Variants in SDR42E1 observed in about 807,000 individuals in gnomAD.
SDR42E1 encodes the protein short-chain dehydrogenase/reductase family 42E member 1.
A neutral mutation model predicts 2.6 loss-of-function variants in SDR42E1; 5 were observed. The observed-to-expected ratio is 1.94, with a 90% CI of 1.01 to 4.08. The LOEUF (loss-of-function observed/expected upper bound fraction) is 4.08. Ranked by LOEUF, SDR42E1 falls within the 30% of genes most tolerant of loss-of-function variation. The pLI is 0.00. For missense variants in SDR42E1, 596 were observed against 478.6 expected (o/e 1.25, Z -2.29); for synonymous variants, 231 against 188.3 (o/e 1.23, Z -1.86).
rs1912599669 is a variant in SDR42E1 at position 81,998,345 on chromosome 16, C to T, written c.*766G>A. 1 of 152,176 alleles carries T rather than the reference C, an allele frequency of 6.6e-6. No individual in the cohort carries two copies. The allele number at this position is 152,176 out of a possible 1,614,324, so 9.4% of individuals were successfully genotyped here. A position where few individuals can be genotyped will look rare whatever the true frequency, so the allele number is the denominator to read the frequency against. ...ACTTGTTGCAGGCTCTGAGGGCACA[C>T]CCAAAGACATTGCAGAAAGTCCAGT... On this transcript the variant is annotated 3_prime_UTR_variant, in exon 3 of 3. Coordinates refer to ENST00000328945, the MANE Select transcript of SDR42E1 (RefSeq NM_145168.3).
rs1256291583 is a variant in SDR42E1 at position 81,992,448 on chromosome 16, C to G, written c.*6663G>C. 6.6e-6 allele frequency: 1 copy of G among 152,106 alleles called. No individual in the cohort carries two copies. Among genetic ancestry groups the G allele is most frequent in the African/African-American group, 2.4e-5 (1 of 41,416 alleles). The allele number at this position is 152,106 out of a possible 1,614,324, so 9.4% of individuals were successfully genotyped here. On this transcript the variant is annotated 3_prime_UTR_variant, in exon 3 of 3. Transcript: ENST00000328945. ...TATTATTATCTATTCAGGACACTAA[C>G]TCCTAGTGACTGTTAAGAGCAAAAG...
chr16:81,999,902 G>T lies in SDR42E1; in HGVS notation c.391C>A (p.Gln131Lys). The T allele has an allele frequency of 6.2e-7, 1 of 1,614,168 alleles. No individual in the cohort carries two copies. The highest frequency in any genetic ancestry group is 1.3e-5 in the African/African-American group (1 of 75,034). ...TSTFNVIFGG[Q>K]VIRNGDESLP... Reference sequence around the variant, plus strand: ...GATTCATCCCCATTTCTGATAACTTGACCTCCAAAGATGACATTGAAAGTG... The same window carrying T: ...GATTCATCCCCATTTCTGATAACTTTACCTCCAAAGATGACATTGAAAGTG... Residue 131 changes from glutamine (Q) to lysine (K), a missense_variant, in exon 3 of 3, where the codon CAA (glutamine) becomes AAA (lysine). Physicochemically the swap from Gln to Lys is moderately conservative, Grantham distance 53. Coordinates refer to ENST00000328945, the MANE Select transcript of SDR42E1 (RefSeq NM_145168.3).
intron 1 of SDR42E1, among the ~76,000 whole-genome samples, chr16:82,001,091 C>G (rs930660964): frequency 2.6e-5 from 4 of 152,182 alleles, no homozygotes; most frequent in African/African-American, 9.7e-5. Flanking sequence ...GACAGTAATA[C>G]CTGCTCTGCC....
chr16:81,990,211 G>A lies in SDR42E1; in HGVS notation c.*8900C>T, dbSNP rs1410317636. On this transcript the variant is annotated 3_prime_UTR_variant, in exon 3 of 3. Coordinates refer to ENST00000328945, the MANE Select transcript of SDR42E1 (RefSeq NM_145168.3). Reference sequence around the variant, plus strand: ...ACCTGTGGTTCTAGCTACTTAGGAGGATCACCTGAGCCCAGGAGGGCACTG... The same window carrying A: ...ACCTGTGGTTCTAGCTACTTAGGAGAATCACCTGAGCCCAGGAGGGCACTG... The A allele has an allele frequency of 6.6e-6, 1 of 152,238 alleles. No homozygotes were observed. The highest frequency in any genetic ancestry group is 1.5e-5 in the Non-Finnish European group (1 of 68,108). The allele number at this position is 152,238 out of a possible 1,614,324, so 9.4% of individuals were successfully genotyped here. A position where few individuals can be genotyped will look rare whatever the true frequency, so the allele number is the denominator to read the frequency against.
intron 1 of SDR42E1, among the ~76,000 whole-genome samples, chr16:82,004,770 G>C (rs1912881517): frequency 6.6e-6 from 1 of 152,224 alleles, no homozygotes; most frequent in South Asian, 2.1e-4. Flanking sequence ...CCCTGGAGGA[G>C]GAAATGGGCC....
At chr16:82,009,780 G>A (rs1302259698) in intron 1 of SDR42E1, among the ~76,000 whole-genome samples, 1 of 152,210 alleles carries the variant, frequency 6.6e-6, no homozygotes, top group Non-Finnish European at 1.5e-5. Flanking sequence ...GTTTTGAAAT[G>A]TGAGGGCATG....
chr16:82,005,435 C>T (rs1010825388), intron 1 of SDR42E1, among the ~76,000 whole-genome samples: 4 of 152,214 alleles, frequency 2.6e-5, no homozygotes, highest in African/African-American at 9.7e-5. Context: ...AGGATGGTAG[C>T]CATCTGCTGC....
In SDR42E1 at chr16:81,997,673, A is replaced by C. The variant is rs1413414100; in HGVS notation, c.*1438T>G. The C allele has an allele frequency of 1.3e-5, 2 of 152,234 alleles. No individual in the cohort carries two copies. Among genetic ancestry groups the C allele is most frequent in the African/African-American group, 2.4e-5 (1 of 41,452 alleles). 9.4% of individuals were successfully genotyped at this position (152,234 alleles called of 1,614,324 possible). On this transcript the variant is annotated 3_prime_UTR_variant, in exon 3 of 3. Transcript: ENST00000328945. ...ATACTGATGTTGCAATTTATATTAGAAGTACTTTCACCACATCTTGCTTTA... is the reference window on the plus strand; with the variant it reads ...ATACTGATGTTGCAATTTATATTAGCAGTACTTTCACCACATCTTGCTTTA...
chr16:82,000,966 A>G, intron 1 of SDR42E1, 82 bp from the exon 2 acceptor site: 1 of 866,390 alleles, frequency 1.2e-6, no homozygotes, highest in Non-Finnish European at 1.8e-6. Context: ...AAAAACAAAA[A>G]GTCAATACGC....
At position 82,000,073 on chromosome 16, in the gene SDR42E1, T is replaced by A; in HGVS notation, c.220A>T (p.Thr74Ser). ...TAAGAGGCAATATGGAACACACAAG[T>A]GACGTCTGCATCCTGGAAGGCTTTC... The part of the protein sequence containing the change: ...VEKAFQDADV[T>S]CVFHIASYGM... Residue 74 changes from threonine (T) to serine (S), a missense_variant, in exon 3 of 3, where the codon ACT becomes TCT. Transcript: ENST00000328945. The A allele has an allele frequency of 6.2e-7, 1 of 1,614,244 alleles. No homozygotes were observed. The highest frequency in any genetic ancestry group is 8.5e-7 in the Non-Finnish European group (1 of 1,180,048).
chr16:81,999,461 G>A lies in SDR42E1; in HGVS notation c.832C>T (p.Pro278Ser), dbSNP rs1190109624. 6.2e-7 allele frequency: 1 copy of A among 1,614,044 alleles called. No homozygotes were observed. Among genetic ancestry groups the A allele is most frequent in the Non-Finnish European group, 8.5e-7 (1 of 1,180,046 alleles). Residue 278 changes from proline (P) to serine (S), a missense_variant, in exon 3 of 3, where the codon CCG (proline) becomes TCG (serine). By Grantham distance (74) the Pro-to-Ser change is moderately conservative (BLOSUM62 -1). Coordinates refer to ENST00000328945, the MANE Select transcript of SDR42E1 (RefSeq NM_145168.3). ...PLVEGLGYTF[P>S]STRLPLTLVY... is the part of the protein sequence containing the mutation. ...AAGGTCAATGGCAGGCGGGTAGACG[G>A]GAATGTGTAGCCCAGGCCCTCAACC...
chr16:82,001,997 C>CA (rs1912783799), intron 1 of SDR42E1, among the ~76,000 whole-genome samples: 12 of 147,956 alleles, frequency 8.1e-5, no homozygotes, highest in South Asian at 2.1e-4. Context: ...CACACATATA[C>CA]CTGTGCTCAA....
At chr16:82,007,999 G>A (rs935128050) in intron 1 of SDR42E1, 2 of 152,186 alleles carry the variant, frequency 1.3e-5, no homozygotes, top group Admixed American at 1.3e-4. Flanking sequence ...ACGTGTCCTG[G>A]AGGGACCCGG....
Position 81,999,227 on chromosome 16 carries a change from C to G in SDR42E1, c.1066G>C (p.Gly356Arg), listed in dbSNP as rs1221314902. 4 of 1,614,094 alleles carry G rather than the reference C, an allele frequency of 2.5e-6. No homozygotes were observed. The African/African-American group carries it at 5.3e-5, about 22-fold the overall frequency. Residue 356 changes from glycine (G) to arginine (R), a missense_variant, in exon 3 of 3, where the codon GGC (glycine) becomes CGC (arginine). Transcript: ENST00000328945. ...AVEWFKAHGH[G>R]RSSGSRDSEC... The stretch of plus-strand genomic sequence containing the variant: ...GAGTCACGACTTCCAGAACTTCTGC[C>G]ATGACCATGGGCTTTAAACCATTCC...
At chr16:82,004,094 A>G (rs1359245748) in intron 1 of SDR42E1, among the ~76,000 whole-genome samples, 1 of 152,240 alleles carries the variant, frequency 6.6e-6, no homozygotes, top group Non-Finnish European at 1.5e-5. Context: ...CAGAGCTTAC[A>G]AATAAGAAAG....
rs78720799 is a variant in SDR42E1 at position 81,999,455 on chromosome 16, T to C, written c.838A>G (p.Thr280Ala). 19 of 1,613,946 alleles carry C rather than the reference T, an allele frequency of 1.2e-5. No individual in the cohort carries two copies. The South Asian group carries it at 1.9e-4, about 16-fold the overall frequency. The change falls in exon 3 of 3, where the codon ACC becomes GCC. Residue 280 changes from threonine (T) to alanine (A), a missense_variant. By Grantham distance (58) the Thr-to-Ala change is moderately conservative. Transcript: ENST00000328945. ...TAGACCAAGGTCAATGGCAGGCGGG[T>C]AGACGGGAATGTGTAGCCCAGGCCC... is the stretch of plus-strand genomic sequence containing the variant. Reference protein sequence around the residue: ...VEGLGYTFPSTRLPLTLVYCF... With the variant: ...VEGLGYTFPSARLPLTLVYCF...
At chr16:82,004,249 T>G (rs565086524) in intron 1 of SDR42E1, among the ~76,000 whole-genome samples, 66 of 151,884 alleles carry the variant, frequency 4.3e-4, no homozygotes, top group Admixed American at 4.3e-3. Context: ...GAAGAGATCA[T>G]GGGAGAGTGA....
At chr16:82,010,064 C>T (rs568233453) in intron 1 of SDR42E1, among the ~76,000 whole-genome samples, 13 of 152,356 alleles carry the variant, frequency 8.5e-5, no homozygotes, top group African/African-American at 2.9e-4. Context: ...CCTCTTTTGC[C>T]TTCTGGCATG....
chr16:82,000,076 C>T lies in SDR42E1; in HGVS notation c.217G>A (p.Val73Ile), dbSNP rs747376831. The T allele has an allele frequency of 1.7e-5, 28 of 1,614,104 alleles. No homozygotes were observed. Among genetic ancestry groups the T allele is most frequent in the Middle Eastern group, 1.6e-4 (1 of 6,084 alleles). ...DVEKAFQDAD[V>I]TCVFHIASYG... ...GAGGCAATATGGAACACACAAGTGA[C>T]GTCTGCATCCTGGAAGGCTTTCTCT... The change falls in exon 3 of 3, where the codon GTC becomes ATC. Residue 73 changes from valine (V) to isoleucine (I), a missense_variant. Transcript: ENST00000328945.
Sources: gnomAD v4.1 joint callset for allele counts (sites outside exome capture counted in the v4.1 genomes callset) on GRCh38, gnomAD v4.1.1 for gene constraint, MANE v1.5 for transcripts, NCBI Gene and HGNC (gene_info 2026-07-23, HGNC 2026-07-21) for gene names.